The following PDGFD variants were observed in gnomAD, a reference collection of about 807,000 sequenced individuals.
The protein encoded by PDGFD is platelet-derived growth factor D.
Under a neutral mutation model 44.7 loss-of-function variants are expected in PDGFD, and 30 were observed. The ratio of observed to expected loss-of-function variants is 0.67; its 90% CI spans 0.50 to 0.91. The LOEUF (loss-of-function observed/expected upper bound fraction) is 0.91. Ranked by LOEUF, PDGFD falls within the 40% of genes least tolerant of loss-of-function variation. The pLI is 0.00. For missense variants in PDGFD, 445 were observed against 457.8 expected, an observed-to-expected ratio of 0.97 and a Z score of 0.25; for synonymous variants, 173 against 168.4, an observed-to-expected ratio of 1.03 and a Z score of -0.21.
At chr11:104,036,981 C>A (rs1189980525) in intron 1 of PDGFD, 1 of 1,614,128 alleles carries the variant, frequency 6.2e-7, no homozygotes, top group Admixed American at 1.7e-5. Flanking sequence ...TGGAGCGACT[C>A]CTCATCGAGG....
Position 103,952,488 on chromosome 11 carries a change from T to C in PDGFD, c.511-4764A>G, listed in dbSNP as rs1858773453. On this transcript the variant is annotated intron_variant, in intron 3 of 6. Coordinates refer to ENST00000393158, the MANE Select transcript of PDGFD (RefSeq NM_025208.5). ...TGATGTTTTAGTTACTTTGGTCCTA[T>C]AGTCCATGTAGGGAATCTAGCACTG... Among the ~76,000 whole-genome samples, 3 of 152,200 alleles carry C rather than the reference T, an allele frequency of 2.0e-5. No individual in the cohort carries two copies. In the South Asian group the frequency reaches 6.2e-4, roughly 32 times the overall value.
At chr11:104,039,822 T>C (rs1860318530) in intron 1 of PDGFD, among the ~76,000 whole-genome samples, 1 of 152,144 alleles carries the variant, frequency 6.6e-6, no homozygotes, top group African/African-American at 2.4e-5. Flanking sequence ...AATTCAATTT[T>C]AAGGTTCATT....
chr11:104,012,670 A>G (rs916252451), intron 1 of PDGFD, among the ~76,000 whole-genome samples: 1 of 152,188 alleles, frequency 6.6e-6, no homozygotes, highest in Admixed American at 6.5e-5. Flanking sequence ...TTAGGAAAGG[A>G]CAGATTATAC....
At chr11:103,947,839 A>G in intron 3 of PDGFD, 115 bp from the exon 4 acceptor site, 1 of 771,446 alleles carries the variant, frequency 1.3e-6, no homozygotes, top group East Asian at 2.6e-5. Context: ...CAACAGACAT[A>G]GGGCTATATT....
chr11:104,095,795 T>C (rs912302184), intron 1 of PDGFD, among the ~76,000 whole-genome samples: 1 of 152,160 alleles, frequency 6.6e-6, no homozygotes, highest in Non-Finnish European at 1.5e-5. Flanking sequence ...AATATACAGC[T>C]CCAATCCTGA....
chr11:103,970,351 C>T (rs1859085685), intron 3 of PDGFD, among the ~76,000 whole-genome samples: 1 of 152,028 alleles, frequency 6.6e-6, no homozygotes, highest in Admixed American at 6.5e-5. Flanking sequence ...AATGTAACTG[C>T]TTTACCTGAA....
At chr11:104,018,437 C>A (rs1287772496) in intron 1 of PDGFD, among the ~76,000 whole-genome samples, 1 of 152,136 alleles carries the variant, frequency 6.6e-6, no homozygotes, top group Non-Finnish European at 1.5e-5. Flanking sequence ...GTCTCCCTGG[C>A]CCTATCATGT....
At position 103,909,566 on chromosome 11, in the gene PDGFD, C is replaced by A. The variant is rs1240468730; in HGVS notation, c.*128G>T. The A allele has an allele frequency of 8.1e-7, 1 of 1,228,894 alleles. No individual in the cohort carries two copies. Among genetic ancestry groups the A allele is most frequent in the Non-Finnish European group, 1.2e-6 (1 of 863,366 alleles). The allele number at this position is 1,228,894 out of a possible 1,614,324, so 76.1% of individuals were successfully genotyped here. On this transcript the variant is annotated 3_prime_UTR_variant, in exon 7 of 7. Coordinates refer to ENST00000393158, the MANE Select transcript of PDGFD (RefSeq NM_025208.5). ...TTAACAAAGCAAGGCTGAGACTCAGCAACCACTTGTGTTCATTGCATTGCA... is the reference window on the plus strand; with the variant it reads ...TTAACAAAGCAAGGCTGAGACTCAGAAACCACTTGTGTTCATTGCATTGCA...
chr11:104,036,102 A>G (rs1403351997), intron 1 of PDGFD, among the ~76,000 whole-genome samples: 1 of 152,206 alleles, frequency 6.6e-6, no homozygotes, highest in African/African-American at 2.4e-5. Context: ...TACAAAGAAT[A>G]CAACTCTAAA....
At chr11:103,930,553 A>G (rs1416973771) in intron 5 of PDGFD, among the ~76,000 whole-genome samples, 1 of 33,976 alleles carries the variant, frequency 2.9e-5, no homozygotes. Flanking sequence ...AAAGTTAAGA[A>G]AAAAAAAAAA....
intron 4 of PDGFD, among the ~76,000 whole-genome samples, chr11:103,944,197 A>T (rs1466459399): frequency 1.3e-5 from 2 of 152,192 alleles, no homozygotes; most frequent in African/African-American, 4.8e-5. Flanking sequence ...ACTGTCAACA[A>T]AGATAATTAG....
chr11:103,956,765 G>A (rs1858857889), intron 3 of PDGFD, among the ~76,000 whole-genome samples: 1 of 152,142 alleles, frequency 6.6e-6, no homozygotes, highest in Non-Finnish European at 1.5e-5. Context: ...TAACTGGCGT[G>A]AGATGGTATC....
intron 5 of PDGFD, among the ~76,000 whole-genome samples, chr11:103,938,537 G>A (rs1162100198): frequency 6.6e-6 from 1 of 152,090 alleles, no homozygotes; most frequent in Non-Finnish European, 1.5e-5. Flanking sequence ...TTCTTTTGCT[G>A]TGCAGAAGCT....
chr11:103,986,898 A>T (rs1209853843), intron 3 of PDGFD, among the ~76,000 whole-genome samples: 1 of 152,164 alleles, frequency 6.6e-6, no homozygotes, highest in African/African-American at 2.4e-5. Flanking sequence ...TGCTTAAGAT[A>T]TTTTGCAGAA....
chr11:104,098,567 C>T (rs1242099155), intron 1 of PDGFD, among the ~76,000 whole-genome samples: 1 of 149,716 alleles, frequency 6.7e-6, no homozygotes, highest in African/African-American at 2.5e-5. Context: ...AGCAGTGCTG[C>T]AATTATGGCA....
intron 1 of PDGFD, among the ~76,000 whole-genome samples, chr11:104,011,478 A>G (rs1859786071): frequency 1.3e-5 from 2 of 152,212 alleles, no homozygotes; most frequent in East Asian, 3.9e-4. Flanking sequence ...TTGCATTCCA[A>G]AGTAATTTCT....
chr11:104,036,332 T>C (rs912265708), intron 1 of PDGFD, among the ~76,000 whole-genome samples: 1 of 151,928 alleles, frequency 6.6e-6, no homozygotes, highest in Non-Finnish European at 1.5e-5. Context: ...TAGTTCCAGC[T>C]TTTCAGGAGG....
chr11:104,063,720 T>C (rs1268231302), intron 1 of PDGFD, among the ~76,000 whole-genome samples: 1 of 152,074 alleles, frequency 6.6e-6, no homozygotes, highest in African/African-American at 2.4e-5. Context: ...GAGAGAATGA[T>C]GGGGGAGGTG....
At chr11:104,081,333 T>G (rs1861042721) in intron 1 of PDGFD, among the ~76,000 whole-genome samples, 1 of 152,166 alleles carries the variant, frequency 6.6e-6, no homozygotes, top group South Asian at 2.1e-4. Flanking sequence ...AGAGTTGCAT[T>G]TTCAGGCTCT....
Sources: gnomAD v4.1 joint callset for allele counts (sites outside exome capture counted in the v4.1 genomes callset) on GRCh38, gnomAD v4.1.1 for gene constraint, MANE v1.5 for transcripts, NCBI Gene and HGNC (gene_info 2026-07-23, HGNC 2026-07-21) for gene names.